Variants in TBCA observed in about 807,000 individuals in gnomAD.
TBCA encodes the protein tubulin folding cofactor A.
Under a neutral mutation model 15.8 loss-of-function variants are expected in TBCA, and 6 were observed. The observed-to-expected ratio is 0.38, with a 90% CI of 0.21 to 0.75. The LOEUF is 0.75. TBCA is among the 30% of genes least tolerant of loss of function. The probability of loss-of-function intolerance (pLI) is 0.46; values close to 1 mark genes in which losing one functional copy is unlikely to be tolerated. For synonymous variants in TBCA, 32 were observed against 42.3 expected (o/e 0.76, Z 0.94); for missense variants, 90 against 131.2 (o/e 0.69, Z 1.53).
chr5:77,738,438 G>A (rs1214235117), intron 1 of TBCA, among the ~76,000 whole-genome samples: 1 of 152,118 alleles, frequency 6.6e-6, no homozygotes, highest in Non-Finnish European at 1.5e-5. Context: ...TCAACATCAT[G>A]GTTAATATAA....
chr5:77,725,421 A>G (rs1345611064), intron 1 of TBCA, among the ~76,000 whole-genome samples: 1 of 152,216 alleles, frequency 6.6e-6, no homozygotes, highest in African/African-American at 2.4e-5. Context: ...AATGTGTGCA[A>G]GCACATTGAT....
chr5:77,706,019 T>G (rs886954601), intron 2 of TBCA, among the ~76,000 whole-genome samples: 2 of 152,166 alleles, frequency 1.3e-5, no homozygotes, highest in Admixed American at 1.3e-4. Context: ...TCTTCCTAGA[T>G]AGCCAAGGGA....
chr5:77,694,493 A>G (rs1481666748), intron 2 of TBCA, among the ~76,000 whole-genome samples: 1 of 152,238 alleles, frequency 6.6e-6, no homozygotes, highest in Admixed American at 6.5e-5. Context: ...GGGAAACCCA[A>G]TTGATAAGAG....
chr5:77,751,257 GT>G (rs1441470401), intron 1 of TBCA, among the ~76,000 whole-genome samples: 18 of 148,682 alleles, frequency 1.2e-4, no homozygotes, highest in African/African-American at 4.5e-4. Context: ...CGCCTCCCAG[GT>G]TCAAGTGATT....
At chr5:77,691,741 AAC>A in intron 3 of TBCA, 1 of 1,155,548 alleles carries the variant, frequency 8.7e-7, no homozygotes, top group African/African-American at 1.6e-5. Flanking sequence ...ATAAGTGAAT[AAC>A]AGTCTTCTAA....
chr5:77,743,739 G>A (rs192820673), intron 1 of TBCA, among the ~76,000 whole-genome samples: 62 of 152,158 alleles, frequency 4.1e-4, no homozygotes, highest in African/African-American at 1.4e-3. Flanking sequence ...CCCTTTATAC[G>A]GAGGTCTTCA....
intron 1 of TBCA, among the ~76,000 whole-genome samples, chr5:77,713,913 T>C (rs930954518): frequency 1.3e-5 from 2 of 148,368 alleles, no homozygotes; most frequent in African/African-American, 5.0e-5. Flanking sequence ...ATTTTTTTTT[T>C]AAAAGAATAA....
intron 2 of TBCA, among the ~76,000 whole-genome samples, chr5:77,698,209 G>C (rs1745917556): frequency 6.7e-6 from 1 of 150,156 alleles, no homozygotes; most frequent in African/African-American, 2.4e-5. Context: ...TATTAAGACA[G>C]ACAAAGATAA....
At chr5:77,701,028 A>T (rs573598532) in intron 2 of TBCA, among the ~76,000 whole-genome samples, 71 of 152,240 alleles carry the variant, frequency 4.7e-4, no homozygotes, top group African/African-American at 1.5e-3. Flanking sequence ...ATAACTAAGA[A>T]CCCAAAAGGA....
At chr5:77,740,708 G>A (rs912887202) in intron 1 of TBCA, among the ~76,000 whole-genome samples, 4 of 152,154 alleles carry the variant, frequency 2.6e-5, no homozygotes, top group African/African-American at 7.2e-5. Context: ...ACATAAATGT[G>A]GCAGTCATGA....
chr5:77,710,718 A>C (rs1040468389), intron 1 of TBCA, among the ~76,000 whole-genome samples: 9 of 152,120 alleles, frequency 5.9e-5, no homozygotes, highest in African/African-American at 2.2e-4. Context: ...CCTTGCCTCA[A>C]TTCACATAAC....
chr5:77,716,326 G>A (rs1043528685), intron 1 of TBCA, among the ~76,000 whole-genome samples: 2 of 152,114 alleles, frequency 1.3e-5, no homozygotes, highest in East Asian at 1.9e-4. Context: ...CATTTCCAAT[G>A]GGCATCAACA....
intron 1 of TBCA, among the ~76,000 whole-genome samples, chr5:77,761,598 TCCCCCTCTCCGAGAAACACCCA>T (rs1561284178): frequency 6.7e-6 from 1 of 148,732 alleles, no homozygotes; most frequent in Non-Finnish European, 1.5e-5. Flanking sequence ...CCCTGCCACA[TCCCCCTCTCCGAGAAACACCCA>T]AGAATGATCA....
chr5:77,727,963 A>G (rs929381232), intron 1 of TBCA, among the ~76,000 whole-genome samples: 2 of 152,150 alleles, frequency 1.3e-5, no homozygotes, highest in Non-Finnish European at 2.9e-5. Context: ...TTCTAGTTTT[A>G]AGATTTTGGA....
At chr5:77,752,202 C>T (rs1276907054) in intron 1 of TBCA, among the ~76,000 whole-genome samples, 1 of 152,162 alleles carries the variant, frequency 6.6e-6, no homozygotes, top group Non-Finnish European at 1.5e-5. Flanking sequence ...TACCAGCCTA[C>T]GAAATGGAAC....
rs1262106808 is a variant in TBCA at position 77,752,607 on chromosome 5, G to A, written c.53+23598C>T. On this transcript the variant is annotated intron_variant, in intron 1 of 3. Transcript: ENST00000380377. The stretch of plus-strand genomic sequence containing the variant: ...CGCTCTGTCGCCCAGGCCGGACTGC[G>A]GACTGCAGTGGCGCAATCTCGGCTC... 3.3e-4 allele frequency among the ~76,000 whole-genome samples: 17 copies of A among 51,744 alleles called. 5 individuals are homozygous for A. In the Admixed American group the frequency reaches 3.9e-3, roughly 12 times the overall value. 33.9% of individuals were successfully genotyped at this position (51,744 alleles called of 152,430 possible). A position where few individuals can be genotyped will look rare whatever the true frequency, so the allele number is the denominator to read the frequency against.
rs952836465 is a variant in TBCA at position 77,691,210 on chromosome 5, T to C, written c.*208A>G. On this transcript the variant is annotated 3_prime_UTR_variant, in exon 4 of 4. Transcript: ENST00000380377. ...TGTGGTTTAATGATAAAAGGTTAAT[T>C]TAAAAATTTTGTAAAGTATAAAATA... 2.0e-6 allele frequency: 1 copy of C among 512,814 alleles called. No homozygotes were observed. The highest frequency in any genetic ancestry group is 2.0e-5 in the African/African-American group (1 of 49,168). 31.8% of individuals were successfully genotyped at this position (512,814 alleles called of 1,614,324 possible).
chr5:77,716,017 G>C (rs1746391981), intron 1 of TBCA, among the ~76,000 whole-genome samples: 1 of 152,148 alleles, frequency 6.6e-6, no homozygotes, highest in East Asian at 1.9e-4. Context: ...AACTTAAATT[G>C]AGGGCCTTAT....
chr5:77,772,573 T>C lies in TBCA; in HGVS notation c.53+3632A>G, dbSNP rs1310728041. 2.6e-5 allele frequency among the ~76,000 whole-genome samples: 4 copies of C among 151,904 alleles called. No individual in the cohort carries two copies. In the South Asian group the frequency reaches 8.3e-4, roughly 32 times the overall value. On this transcript the variant is annotated intron_variant, in intron 1 of 3. Coordinates refer to ENST00000380377, the MANE Select transcript of TBCA (RefSeq NM_004607.3). ...TCAGGTGAAAAATAACAAGAGACAA[T>C]AGGGGACAATATTTATGGAGTTAGA...
Sources: gnomAD v4.1 joint callset for allele counts (sites outside exome capture counted in the v4.1 genomes callset) on GRCh38, gnomAD v4.1.1 for gene constraint, MANE v1.5 for transcripts, NCBI Gene and HGNC (gene_info 2026-07-23, HGNC 2026-07-21) for gene names.